Variants in SGCZ observed in about 807,000 individuals in gnomAD.
SGCZ encodes the protein sarcoglycan zeta.
In SGCZ, 40 loss-of-function variants were observed where a neutral mutation model predicts 41.3. The ratio of observed to expected loss-of-function variants is 0.97; its 90% confidence interval spans 0.75 to 1.26. The LOEUF (loss-of-function observed/expected upper bound fraction) is 1.26. SGCZ is among the 50% of genes most tolerant of loss of function. SGCZ has a pLI of 0.00. For missense variants in SGCZ, 552 were observed against 369.8 expected (o/e 1.49, Z -4.04); for synonymous variants, 206 against 137.5 (o/e 1.50, Z -3.49).
chr8:14,827,199 G>C (rs1379673293), intron 1 of SGCZ, among the ~76,000 whole-genome samples: 1 of 146,066 alleles, frequency 6.8e-6, no homozygotes, highest in Non-Finnish European at 1.5e-5. Flanking sequence ...GCCAAGGATT[G>C]TTAAGTCTCT....
intron 2 of SGCZ, among the ~76,000 whole-genome samples, chr8:14,520,356 T>C (rs1802751903): frequency 6.6e-6 from 1 of 152,118 alleles, no homozygotes; most frequent in Non-Finnish European, 1.5e-5. Context: ...TGGTTGTAGC[T>C]CATACCAGCC....
intron 5 of SGCZ, among the ~76,000 whole-genome samples, chr8:14,138,483 G>A (rs1803269146): frequency 6.7e-6 from 1 of 149,814 alleles, no homozygotes; most frequent in African/African-American, 2.5e-5. Context: ...ATAAAGGGAT[G>A]GAGGAAGATC....
intron 1 of SGCZ, among the ~76,000 whole-genome samples, chr8:15,105,257 T>G (rs1806778893): frequency 6.6e-6 from 1 of 152,216 alleles, no homozygotes; most frequent in Non-Finnish European, 1.5e-5. Context: ...CCAGTTTCAC[T>G]TCTGTATTTT....
At chr8:14,502,221 G>A (rs1001016332) in intron 2 of SGCZ, among the ~76,000 whole-genome samples, 3 of 151,800 alleles carry the variant, frequency 2.0e-5, no homozygotes, top group Non-Finnish European at 2.9e-5. Flanking sequence ...ATAATTAAGC[G>A]GCATCAATAC....
At chr8:14,761,604 C>G (rs1047682864) in intron 1 of SGCZ, among the ~76,000 whole-genome samples, 9 of 150,886 alleles carry the variant, frequency 6.0e-5, no homozygotes, top group African/African-American at 2.2e-4. Flanking sequence ...TGGCTCACTG[C>G]CACCTCCTCC....
chr8:14,374,694 G>A (rs184376110), intron 2 of SGCZ, among the ~76,000 whole-genome samples: 1 of 152,156 alleles, frequency 6.6e-6, no homozygotes, highest in Non-Finnish European at 1.5e-5. Flanking sequence ...ATTGGCTTGG[G>A]AGTAGAGGTG....
Position 15,091,992 on chromosome 8 carries a change from G to A in SGCZ, c.39+145593C>T, listed in dbSNP as rs1036881951. ...TGGCCTCGAAATCCTGGGCTCAAGCGATCCACATGACTCGGCCTCCCAAAG... is the reference window on the plus strand; with the variant it reads ...TGGCCTCGAAATCCTGGGCTCAAGCAATCCACATGACTCGGCCTCCCAAAG... On this transcript the variant is annotated intron_variant, in intron 1 of 7. Coordinates refer to ENST00000382080, the MANE Select transcript of SGCZ (RefSeq NM_139167.4). Among the ~76,000 whole-genome samples, 8 of 152,110 alleles carry A rather than the reference G, an allele frequency of 5.3e-5. No individual in the cohort carries two copies. In the South Asian group the frequency reaches 8.3e-4, roughly 16 times the overall value.
chr8:14,183,980 G>A (rs988727057), intron 4 of SGCZ, among the ~76,000 whole-genome samples: 4 of 152,030 alleles, frequency 2.6e-5, no homozygotes, highest in South Asian at 2.1e-4. Flanking sequence ...ACTTAGCAAC[G>A]TCTCTGAATA....
At chr8:14,787,489 T>C (rs1277977535) in intron 1 of SGCZ, among the ~76,000 whole-genome samples, 1 of 152,168 alleles carries the variant, frequency 6.6e-6, no homozygotes, top group African/African-American at 2.4e-5. Context: ...AAGTGCAAGA[T>C]AATTAGTTCA....
intron 2 of SGCZ, among the ~76,000 whole-genome samples, chr8:14,467,751 T>G (rs1268987341): frequency 6.6e-6 from 1 of 152,012 alleles, no homozygotes; most frequent in East Asian, 1.9e-4. Flanking sequence ...CTCATGTGCT[T>G]GCTTATGACA....
intron 1 of SGCZ, among the ~76,000 whole-genome samples, chr8:15,199,751 C>T (rs535119330): frequency 6.6e-6 from 1 of 152,098 alleles, no homozygotes; most frequent in East Asian, 1.9e-4. Flanking sequence ...GGATATACTT[C>T]ATTAGTTTCA....
intron 1 of SGCZ, among the ~76,000 whole-genome samples, chr8:14,909,558 A>T (rs987285660): frequency 2.6e-5 from 4 of 152,072 alleles, no homozygotes; most frequent in Non-Finnish European, 5.9e-5. Context: ...ACTATTTTTT[A>T]GTAAATTTTA....
intron 1 of SGCZ, among the ~76,000 whole-genome samples, chr8:15,068,395 C>A (rs548930920): frequency 4.6e-5 from 7 of 152,312 alleles, no homozygotes; most frequent in African/African-American, 1.7e-4. Flanking sequence ...AATATGTAAT[C>A]ATTATCACAT....
intron 1 of SGCZ, among the ~76,000 whole-genome samples, chr8:14,634,457 A>T (rs1277670459): frequency 6.6e-6 from 1 of 151,876 alleles, no homozygotes; most frequent in Non-Finnish European, 1.5e-5. Flanking sequence ...TGAATTAAAA[A>T]TTTTCCTAAA....
At chr8:15,032,685 G>T (rs2130961344) in intron 1 of SGCZ, among the ~76,000 whole-genome samples, 1 of 152,248 alleles carries the variant, frequency 6.6e-6, no homozygotes, top group Admixed American at 6.5e-5. Context: ...TGCCAGGTCA[G>T]CCCCCAGAGA....
Position 14,662,243 on chromosome 8 carries a change from A to G in SGCZ, c.40-107317T>C, listed in dbSNP as rs149823061. Among the ~76,000 whole-genome samples the G allele has an allele frequency of 8.3e-3, 1,257 of 152,258 alleles. 21 individuals are homozygous for G. The highest frequency in any genetic ancestry group is 0.029 in the African/African-American group (1,206 of 41,542). ...ATATTCTACCTATACTTCAAGACTCAGTTTAAATTCTGAGGTTGACAGACT... is the reference window on the plus strand; with the variant it reads ...ATATTCTACCTATACTTCAAGACTCGGTTTAAATTCTGAGGTTGACAGACT... On this transcript the variant is annotated intron_variant, in intron 1 of 7. Coordinates refer to ENST00000382080, the MANE Select transcript of SGCZ (RefSeq NM_139167.4).
chr8:14,118,437 G>T (rs367976604), intron 5 of SGCZ, among the ~76,000 whole-genome samples: 1 of 152,004 alleles, frequency 6.6e-6, no homozygotes, highest in African/African-American at 2.4e-5. Context: ...GTAAATTTAA[G>T]TTCTTTGTAG....
At chr8:14,448,087 C>A (rs1352380955) in intron 2 of SGCZ, among the ~76,000 whole-genome samples, 1 of 151,944 alleles carries the variant, frequency 6.6e-6, no homozygotes, top group South Asian at 2.1e-4. Context: ...GAATTTTCAT[C>A]GAAATAGTAG....
chr8:14,960,284 A>G (rs1400611810), intron 1 of SGCZ, among the ~76,000 whole-genome samples: 1 of 152,112 alleles, frequency 6.6e-6, no homozygotes, highest in South Asian at 2.1e-4. Flanking sequence ...ATAAAATTCT[A>G]TAATTTCCTT....
Sources: allele counts gnomAD v4.1 joint callset (sites outside exome capture counted in the v4.1 genomes callset), GRCh38; gene constraint gnomAD v4.1.1; transcripts MANE v1.5; gene names NCBI Gene and HGNC (gene_info 2026-07-23, HGNC 2026-07-21).